Variants in PPRC1 observed in about 807,000 individuals in gnomAD.
PPRC1 encodes the protein peroxisome proliferator-activated receptor gamma coactivator-related protein 1.
Under a neutral mutation model 132.5 loss-of-function variants are expected in PPRC1, and 23 were observed. The observed-to-expected ratio is 0.17, with a 90% CI of 0.12 to 0.25. The LOEUF is 0.25. PPRC1 is among the 10% of genes least tolerant of loss of function. PPRC1 has a pLI of 1.00. For missense variants in PPRC1, 2,006 were observed against 2,089.1 expected, an observed-to-expected ratio of 0.96 and a Z score of 0.78; for synonymous variants, 872 against 833.5, an observed-to-expected ratio of 1.05 and a Z score of -0.80.
intron 7 of PPRC1, 148 bp from the exon 8 acceptor site, chr10:102,144,872 C>A: frequency 1.5e-6 from 1 of 662,338 alleles, no homozygotes; most frequent in Non-Finnish European, 2.6e-6. Context: ...TCAATAAGAC[C>A]CTTTTGTGCA....
chr10:102,128,566 G>T (rs1222427169), upstream of PPRC1, among the ~76,000 whole-genome samples: 1 of 151,778 alleles, frequency 6.6e-6, no homozygotes, highest in African/African-American at 2.4e-5. Context: ...AAGAGAGACA[G>T]AGAGAGACAG....
chr10:102,144,701 A>G, intron 7 of PPRC1: 1 of 478,622 alleles, frequency 2.1e-6, no homozygotes, highest in Non-Finnish European at 3.7e-6. Context: ...ATGATCCTCC[A>G]TCCTGTTCTG....
upstream of PPRC1, among the ~76,000 whole-genome samples, chr10:102,130,560 AC>A (rs2068524912): frequency 6.7e-6 from 1 of 149,918 alleles, no homozygotes; most frequent in African/African-American, 2.5e-5. Flanking sequence ...ACATGGAGAA[AC>A]CCCCTCTCTA....
intron 2 of PPRC1, 60 bp downstream of exon 2, chr10:102,138,098 T>A: frequency 6.5e-7 from 1 of 1,538,304 alleles, no homozygotes; most frequent in Non-Finnish European, 8.8e-7. Context: ...AGGTTCTAGC[T>A]CAAATTCTTG....
chr10:102,134,724 C>A (rs2068658790), intron 1 of PPRC1, among the ~76,000 whole-genome samples: 1 of 152,160 alleles, frequency 6.6e-6, no homozygotes, highest in African/African-American at 2.4e-5. Context: ...GCCCCAGGGT[C>A]TAGGCCAGAA....
intron 5 of PPRC1, among the ~76,000 whole-genome samples, chr10:102,142,433 T>C (rs2069033007): frequency 1.1e-5 from 1 of 87,346 alleles, no homozygotes; most frequent in Non-Finnish European, 2.1e-5. Context: ...TTTTTTTTTT[T>C]TTTGAGATGG....
chr10:102,129,274 T>C (rs1237419488), upstream of PPRC1, among the ~76,000 whole-genome samples: 1 of 152,142 alleles, frequency 6.6e-6, no homozygotes, highest in African/African-American at 2.4e-5. Context: ...AGATGAGTCT[T>C]TGGCGAGCAT....
intron 1 of PPRC1, among the ~76,000 whole-genome samples, chr10:102,137,292 G>A (rs1024143442): frequency 6.6e-6 from 1 of 152,150 alleles, no homozygotes; most frequent in Non-Finnish European, 1.5e-5. Flanking sequence ...GTGTCATGGG[G>A]ATGGGGGTAG....
chr10:102,147,388 C>T lies in PPRC1; in HGVS notation c.4396C>T (p.Arg1466Ter). 1 of 1,600,362 alleles carries T rather than the reference C, an allele frequency of 6.2e-7. No individual in the cohort carries two copies. Among genetic ancestry groups the T allele is most frequent in the Non-Finnish European group, 8.5e-7 (1 of 1,175,660 alleles). The change falls in exon 9 of 14, where the codon CGA becomes TGA. Residue 1466 changes from arginine (R) to a stop codon, truncating the protein, a stop_gained. Transcript: ENST00000278070. LOFTEE classifies it high-confidence loss of function. ...CCTCTCCCCCCCACACAAGAGGTGG[C>T]GAAGGTGAGCTTTGATGGCCCTGTA... is the stretch of plus-strand genomic sequence containing the variant. ...RSLSPPHKRW[R>*]RSSCSSSGRS...
chr10:102,144,344 G>GT (rs1315326852), intron 7 of PPRC1, 37 bp downstream of exon 7: 1 of 1,597,732 alleles, frequency 6.3e-7, no homozygotes, highest in South Asian at 1.1e-5. Flanking sequence ...CCCTACAGCT[G>GT]TTAGTCAGCA....
At chr10:102,122,294 T>C in the PPRC1 span, among the ~76,000 whole-genome samples, 1 of 152,032 alleles carries the variant, frequency 6.6e-6, no homozygotes, top group Non-Finnish European at 1.5e-5. Flanking sequence ...GAACGCAAGA[T>C]TCGCTCCTCA....
upstream of PPRC1, among the ~76,000 whole-genome samples, chr10:102,128,621 T>TG (rs1252617806): frequency 2.6e-5 from 4 of 151,508 alleles, no homozygotes; most frequent in African/African-American, 7.3e-5. Flanking sequence ...TTTTTTTTTT[T>TG]TCTTTTTTTT....
chr10:102,137,832 C>A lies in PPRC1; in HGVS notation c.154-18C>A, dbSNP rs778862664. On this transcript the variant is annotated intron_variant, in intron 1 of 13. Coordinates refer to ENST00000278070, the MANE Select transcript of PPRC1 (RefSeq NM_015062.5). ...TGCCAGAGAGCTCATACCCTTCTCACCTTCTTCTCTGCTCCAGGTGCTGCT... is the reference window on the plus strand; with the variant it reads ...TGCCAGAGAGCTCATACCCTTCTCAACTTCTTCTCTGCTCCAGGTGCTGCT... The A allele has an allele frequency of 6.2e-7, 1 of 1,610,802 alleles. No homozygotes were observed. Among genetic ancestry groups the A allele is most frequent in the Non-Finnish European group, 8.5e-7 (1 of 1,178,512 alleles).
intron 1 of PPRC1, among the ~76,000 whole-genome samples, chr10:102,137,036 T>C (rs1195449784): frequency 2.0e-5 from 3 of 152,220 alleles, no homozygotes; most frequent in African/African-American, 7.2e-5. Flanking sequence ...GTCTCACTGT[T>C]GGGCCTTCAA....
At position 102,139,491 on chromosome 10, in the gene PPRC1, A is replaced by G; in HGVS notation, c.983A>G (p.Asp328Gly). 1.2e-6 allele frequency: 2 copies of G among 1,614,062 alleles called. No individual in the cohort carries two copies. Among genetic ancestry groups the G allele is most frequent in the African/African-American group, 1.3e-5 (1 of 75,050 alleles). Residue 328 changes from aspartate to glycine, a missense_variant, in exon 5 of 14, where the codon GAT becomes GGT. Coordinates refer to ENST00000278070, the MANE Select transcript of PPRC1 (RefSeq NM_015062.5). Reference protein sequence around the residue: ...PNLTHLASLEDELQEQPDDLT... With the variant: ...PNLTHLASLEGELQEQPDDLT... ...CTCACCCACCTGGCATCACTTGAGG[A>G]TGAGCTTCAGGAGCAGCCAGATGAT... is the stretch of plus-strand genomic sequence containing the variant.
rs772040194 is a variant in PPRC1 at position 102,139,464 on chromosome 10, A to G, written c.956A>G (p.Asn319Ser). The G allele has an allele frequency of 3.1e-5, 50 of 1,613,838 alleles. No individual in the cohort carries two copies. The highest frequency in any genetic ancestry group is 3.3e-5 in the Admixed American group (2 of 59,980). Residue 319 changes from asparagine (N) to serine (S), a missense_variant, in exon 5 of 14, where the codon AAC becomes AGC. Physicochemically the swap from Asn to Ser is conservative, Grantham distance 46. Transcript: ENST00000278070. The part of the protein sequence containing the change: ...VRAMHPYCLP[N>S]LTHLASLEDE... ...GCCATGCACCCATACTGCCTGCCCA[A>G]CCTCACCCACCTGGCATCACTTGAG...
At position 102,140,465 on chromosome 10, in the gene PPRC1, T is replaced by C. The variant is rs1197047814; in HGVS notation, c.1957T>C (p.Leu653=). 2.5e-6 allele frequency: 4 copies of C among 1,614,168 alleles called. No homozygotes were observed. Among genetic ancestry groups the C allele is most frequent in the Middle Eastern group, 1.6e-4 (1 of 6,062 alleles). The change falls in exon 5 of 14, where the codon TTG becomes CTG. Residue 653 remains leucine, a synonymous_variant. Transcript: ENST00000278070. Reference sequence around the variant, plus strand: ...TGCAGTGGTTCCCATCTCAGATAACTTGCCACCAGTTGATGCTGTCCCGTC... The same window carrying C: ...TGCAGTGGTTCCCATCTCAGATAACCTGCCACCAGTTGATGCTGTCCCGTC... ...DPAVVPISDN[L]PPVDAVPSGP...
the PPRC1 span, among the ~76,000 whole-genome samples, chr10:102,123,704 TA>T: frequency 6.6e-6 from 1 of 151,508 alleles, no homozygotes; most frequent in South Asian, 2.1e-4. Context: ...CTAATTTTTG[TA>T]TTTTTTTTAG....
At chr10:102,136,064 T>C (rs556970688) in intron 1 of PPRC1, among the ~76,000 whole-genome samples, 1 of 152,304 alleles carries the variant, frequency 6.6e-6, no homozygotes, top group East Asian at 1.9e-4. Flanking sequence ...GCTGGGGCTC[T>C]GGTAGGTAGG....
Sources: allele counts gnomAD v4.1 joint callset (sites outside exome capture counted in the v4.1 genomes callset), GRCh38; gene constraint gnomAD v4.1.1; transcripts MANE v1.5; gene names NCBI Gene and HGNC (gene_info 2026-07-23, HGNC 2026-07-21).